MYH16: variants seen among roughly 807,000 people sequenced by gnomAD.
MYH16 encodes the protein putative uncharacterized protein MYH16.
At chr7:99,248,393 C>T (rs1563102368) in intron 3 of MYH16, among the ~76,000 whole-genome samples, 1 of 152,108 alleles carries the variant, frequency 6.6e-6, no homozygotes, top group African/African-American at 2.4e-5. Context: ...TGAGCCACTG[C>T]GCCCAGTCAT....
At chr7:99,287,533 C>CAAAAAAAA (rs397889162) in intron 28 of MYH16, among the ~76,000 whole-genome samples, 77 of 46,902 alleles carry the variant, frequency 1.6e-3, no homozygotes, top group African/African-American at 5.0e-3. Flanking sequence ...AACTTCTTCT[C>CAAAAAAAA]AAAAAAAAAA....
At chr7:99,260,463 C>T (rs1791926717) in intron 12 of MYH16, 3 of 472,146 alleles carry the variant, frequency 6.4e-6, no homozygotes, top group Non-Finnish European at 1.2e-5. Context: ...TTGGTATGAC[C>T]TCTAGCTCCC....
intron 19 of MYH16, among the ~76,000 whole-genome samples, chr7:99,272,293 C>T (rs796577747): frequency 2.0e-4 from 31 of 152,284 alleles, no homozygotes; most frequent in African/African-American, 7.5e-4. Context: ...CCAGCACCCC[C>T]ACTTTACAGA....
At chr7:99,277,800 T>G (rs1037173108) in intron 21 of MYH16, 88 bp downstream of exon 3, 14 of 371,750 alleles carry the variant, frequency 3.8e-5, no homozygotes, top group African/African-American at 2.8e-4. Flanking sequence ...CAAAAACCCA[T>G]GTCCCTCCAG....
intron 20 of MYH16, among the ~76,000 whole-genome samples, chr7:99,276,901 CAG>C (rs1392857377): frequency 1.2e-3 from 174 of 150,304 alleles, no homozygotes; most frequent in Non-Finnish European, 4.9e-4. Flanking sequence ...GAGAGAGAGA[CAG>C]AGATAAGAGA....
At chr7:99,285,385 C>A in exon 27 of MYH16, 1 of 456,664 alleles carries the variant, frequency 2.2e-6, no homozygotes, top group African/African-American at 2.0e-5. Flanking sequence ...CTGCTAGGAC[C>A]GAATTGAAGA....
intron 27 of MYH16, 84 bp downstream of exon 9, chr7:99,285,522 GGA>G: frequency 2.2e-6 from 1 of 447,734 alleles, no homozygotes; most frequent in Non-Finnish European, 4.5e-6. Context: ...CCTCCGCTAA[GGA>G]AACCAGTAGA....
intron 22 of MYH16, 138 bp from the exon 5 acceptor site, chr7:99,280,737 CA>C (rs34302722): frequency 0.08 from 13,281 of 166,688 alleles, 700 homozygotes; most frequent in African/African-American, 0.15. Flanking sequence ...CCTTCACCCC[CA>C]GGGTTCTGAC....
At chr7:99,258,755 CA>C (rs1439652776) in intron 11 of MYH16, among the ~76,000 whole-genome samples, 1 of 151,498 alleles carries the variant, frequency 6.6e-6, no homozygotes. Context: ...TGGACATTGG[CA>C]AACACTATAA....
chr7:99,289,640 T>C (rs1224647642), intron 30 of MYH16, among the ~76,000 whole-genome samples: 1 of 152,136 alleles, frequency 6.6e-6, no homozygotes, highest in African/African-American at 2.4e-5. Flanking sequence ...GTGAGATCAG[T>C]GGGAGAGGCA....
chr7:99,291,501 T>C (rs1219086019), intron 31 of MYH16, 51 bp downstream of exon 12: 3 of 447,034 alleles, frequency 6.7e-6, no homozygotes, highest in African/African-American at 4.0e-5. Context: ...GCCTTAAAGT[T>C]ATAGGTTACA....
exon 22 of MYH16, chr7:99,279,665 G>A (rs1792173780): frequency 2.2e-6 from 1 of 456,536 alleles, no homozygotes; most frequent in African/African-American, 2.0e-5. Flanking sequence ...AGTTGGAAGG[G>A]GAGCTGAGCG....
Position 99,250,673 on chromosome 7 carries a change from T to TG in MYH16, n.637-419dup, listed in dbSNP as rs753905074. ...GGGAGGATCACCTGAGCCCAGGAGT[T>TG]GGAGGCTGCAGTAAGCCGAGATCGT... On this transcript the variant is annotated intron_variant and non_coding_transcript_variant, in intron 5 of 41. Transcript: ENST00000439784. Among the ~76,000 whole-genome samples the TG allele has an allele frequency of 4.0e-5, 6 of 151,742 alleles. No homozygotes were observed. The South Asian group carries it at 6.2e-4, about 16-fold the overall frequency.
intron 27 of MYH16, among the ~76,000 whole-genome samples, chr7:99,286,204 C>T (rs1792274933): frequency 6.6e-6 from 1 of 152,230 alleles, no homozygotes; most frequent in South Asian, 2.1e-4. Context: ...AGGAGGATCA[C>T]TTGAGACCGG....
chr7:99,245,286 T>C (rs1459437874), intron 2 of MYH16, among the ~76,000 whole-genome samples: 1 of 152,212 alleles, frequency 6.6e-6, no homozygotes, highest in African/African-American at 2.4e-5. Flanking sequence ...ATATCCCAGT[T>C]ATGCTAAGGA....
chr7:99,255,089 C>T (rs1333712042), intron 8 of MYH16, among the ~76,000 whole-genome samples: 6 of 151,978 alleles, frequency 3.9e-5, no homozygotes, highest in Non-Finnish European at 5.9e-5. Flanking sequence ...GCCAACATGG[C>T]GAAACCCCAT....
At chr7:99,293,162 A>C (rs1474243198) in intron 32 of MYH16, among the ~76,000 whole-genome samples, 4 of 152,172 alleles carry the variant, frequency 2.6e-5, no homozygotes, top group Non-Finnish European at 5.9e-5. Context: ...GAACATGGTC[A>C]ACTTAACAAA....
chr7:99,259,746 C>T (rs1032925579), intron 11 of MYH16, among the ~76,000 whole-genome samples: 3 of 146,112 alleles, frequency 2.1e-5, no homozygotes, highest in African/African-American at 7.5e-5. Flanking sequence ...ATATATTATA[C>T]ATATATACAT....
intron 23 of MYH16, among the ~76,000 whole-genome samples, chr7:99,281,688 C>T (rs1792200503): frequency 6.6e-6 from 1 of 152,208 alleles, no homozygotes; most frequent in African/African-American, 2.4e-5. Context: ...AAAGCCCCAG[C>T]AAAGCCTAAG....
Sources: allele counts gnomAD v4.1 joint callset (sites outside exome capture counted in the v4.1 genomes callset), GRCh38; gene constraint gnomAD v4.1.1; transcripts MANE v1.5; gene names NCBI Gene and HGNC (gene_info 2026-07-23, HGNC 2026-07-21).